The following ARHGAP19 variants were observed in gnomAD, a reference collection of about 807,000 sequenced individuals.
The protein encoded by ARHGAP19 is Rho GTPase activating protein 19, also known as rho GTPase-activating protein 19.
Under a neutral mutation model 60.9 loss-of-function variants are expected in ARHGAP19, and 48 were observed. The observed-to-expected ratio is 0.79, with a 90% CI of 0.62 to 1.00. The LOEUF is 1.00. Ranked by LOEUF, ARHGAP19 falls within the 50% of genes least tolerant of loss-of-function variation. The probability of loss-of-function intolerance (pLI) is 0.00; values close to 1 mark genes in which losing one functional copy is unlikely to be tolerated. For missense variants in ARHGAP19, 562 were observed against 597.2 expected (o/e 0.94, Z 0.61); for synonymous variants, 209 against 215.5 (o/e 0.97, Z 0.27).
Position 97,226,091 on chromosome 10 carries a change from G to C in ARHGAP19, c.*31C>G, listed in dbSNP as rs886281818. On this transcript the variant is annotated 3_prime_UTR_variant, in exon 12 of 12. Coordinates refer to ENST00000358531, the MANE Select transcript of ARHGAP19 (RefSeq NM_032900.6). ...ACCTGCCCACTAAACAGAAAATTCT[G>C]CATGGACCATAGGAGACAACTCTGG... 4 of 1,612,314 alleles carry C rather than the reference G, an allele frequency of 2.5e-6. No individual in the cohort carries two copies. The highest frequency in any genetic ancestry group is 3.4e-6 in the Non-Finnish European group (4 of 1,178,814).
Position 97,256,376 on chromosome 10 carries a change from A to T in ARHGAP19, c.869T>A (p.Ile290Asn). ...NVTANDLQENITKLNSGMAFM... is the reference protein window; with the variant it reads ...NVTANDLQENNTKLNSGMAFM... ...AGCCATCCCACTGTTTAACTTTGTGATATTCTCCTGAAGGTCATTTGCAGT... is the reference window on the plus strand; with the variant it reads ...AGCCATCCCACTGTTTAACTTTGTGTTATTCTCCTGAAGGTCATTTGCAGT... Residue 290 changes from isoleucine to asparagine, a missense_variant, in exon 6 of 12, where the codon ATC becomes AAC. Coordinates refer to ENST00000358531, the MANE Select transcript of ARHGAP19 (RefSeq NM_032900.6). 1 of 1,614,074 alleles carries T rather than the reference A, an allele frequency of 6.2e-7. No individual in the cohort carries two copies. The highest frequency in any genetic ancestry group is 1.1e-5 in the South Asian group (1 of 91,076).
At chr10:97,242,324 CTTTTT>C (rs1164708198) in intron 8 of ARHGAP19, among the ~76,000 whole-genome samples, 1 of 55,794 alleles carries the variant, frequency 1.8e-5, no homozygotes, top group Non-Finnish European at 3.5e-5. Flanking sequence ...TATCAGTGTT[CTTTTT>C]TTTTTTTTTT....
chr10:97,225,882 G>T lies in ARHGAP19; in HGVS notation c.*240C>A. 1 of 532,940 alleles carries T rather than the reference G, an allele frequency of 1.9e-6. No homozygotes were observed. The highest frequency in any genetic ancestry group is 2.6e-5 in the South Asian group (1 of 37,800). The allele number at this position is 532,940 out of a possible 1,614,324, so 33.0% of individuals were successfully genotyped here. A position where few individuals can be genotyped will look rare whatever the true frequency, so the allele number is the denominator to read the frequency against. ...GTATAAGCTGGTTGGATAGTTAGTG[G>T]TTTCCCCATAATATTAAAAAAGAGA... On this transcript the variant is annotated 3_prime_UTR_variant, in exon 12 of 12. Transcript: ENST00000358531.
At chr10:97,239,752 G>A (rs563965171) in intron 8 of ARHGAP19, among the ~76,000 whole-genome samples, 25 of 151,826 alleles carry the variant, frequency 1.6e-4, no homozygotes, top group African/African-American at 5.3e-4. Context: ...TTGTTGCCCA[G>A]GCTGGAGTGC....
chr10:97,240,062 T>A (rs758446351), intron 8 of ARHGAP19, among the ~76,000 whole-genome samples: 9 of 151,396 alleles, frequency 5.9e-5, no homozygotes, highest in Non-Finnish European at 8.8e-5. Context: ...GGGAATTGGG[T>A]AAAGGGTACT....
Position 97,238,284 on chromosome 10 carries a change from G to A in ARHGAP19, c.1186-2969C>T, listed in dbSNP as rs367703873. On this transcript the variant is annotated intron_variant, in intron 8 of 11. Transcript: ENST00000358531. ...GCAGTGGTGCGGATCATAGCTCACC[G>A]CAGCCCCAAACTCCTGGGCTCAAGC... Among the ~76,000 whole-genome samples, 24 of 152,208 alleles carry A rather than the reference G, an allele frequency of 1.6e-4. No homozygotes were observed. The South Asian group carries it at 3.7e-3, about 24-fold the overall frequency.
chr10:97,292,527 G>C (rs1843251259), intron 1 of ARHGAP19, 45 bp downstream of exon 1: 1 of 1,611,798 alleles, frequency 6.2e-7, no homozygotes, highest in African/African-American at 1.3e-5. Flanking sequence ...AGGACTACCA[G>C]CCCAAGGCCG....
At chr10:97,248,816 T>TTTTG (rs112710177) in intron 6 of ARHGAP19, among the ~76,000 whole-genome samples, 6,761 of 152,066 alleles carry the variant, frequency 0.044, 212 homozygotes, top group Non-Finnish European at 0.061. Context: ...TAAATATCAA[T>TTTTG]TTTGTTTGTT....
intron 5 of ARHGAP19, among the ~76,000 whole-genome samples, chr10:97,257,859 T>A (rs1842776907): frequency 6.6e-6 from 1 of 152,178 alleles, no homozygotes; most frequent in Admixed American, 6.6e-5. Flanking sequence ...AAATTTTTTA[T>A]AAATTACTAT....
intron 1 of ARHGAP19, chr10:97,270,630 G>A (rs1287872141): frequency 2.6e-6 from 4 of 1,548,760 alleles, no homozygotes; most frequent in Non-Finnish European, 3.5e-6. Context: ...TTTCTGATGA[G>A]GCATTGGTAA....
intron 1 of ARHGAP19, among the ~76,000 whole-genome samples, chr10:97,278,715 GA>G (rs1843048683): frequency 6.6e-6 from 1 of 151,914 alleles, no homozygotes; most frequent in African/African-American, 2.4e-5. Flanking sequence ...GAAAGGACTG[GA>G]AACAATCCAC....
intron 8 of ARHGAP19, among the ~76,000 whole-genome samples, chr10:97,242,637 C>T (rs542663219): frequency 8.4e-4 from 128 of 152,040 alleles, no homozygotes; most frequent in Middle Eastern, 6.8e-3. Context: ...CTCAGCCTCC[C>T]GAGTAGCTGG....
chr10:97,230,262 T>C (rs1431184900), intron 9 of ARHGAP19, among the ~76,000 whole-genome samples: 3 of 152,178 alleles, frequency 2.0e-5, no homozygotes, highest in Admixed American at 2.0e-4. Flanking sequence ...GGCAACTATT[T>C]AAAAAGTCCC....
At chr10:97,256,545 T>C (rs1842754903) in intron 5 of ARHGAP19, 141 bp from the exon 6 acceptor site, 1 of 614,366 alleles carries the variant, frequency 1.6e-6, no homozygotes, top group Non-Finnish European at 2.9e-6. Flanking sequence ...CTGGGAAGAC[T>C]TTTTGGTTCA....
At chr10:97,248,401 G>A (rs947673491) in intron 6 of ARHGAP19, among the ~76,000 whole-genome samples, 1 of 150,128 alleles carries the variant, frequency 6.7e-6, no homozygotes, top group Admixed American at 6.6e-5. Context: ...GTGACAGAGT[G>A]AAAATCTCCA....
intron 1 of ARHGAP19, among the ~76,000 whole-genome samples, chr10:97,288,296 C>G (rs1313694309): frequency 6.6e-6 from 1 of 151,800 alleles, no homozygotes; most frequent in Non-Finnish European, 1.5e-5. Flanking sequence ...AGATTAATCC[C>G]TGCAGCCGGG....
rs570351573 is a variant in ARHGAP19 at position 97,239,266 on chromosome 10, G to T, written c.1186-3951C>A. ...TCCCAACACTTTGGGAGGCCGAGGT[G>T]GGGGGATCACAAGGTCAGGAGAACG... On this transcript the variant is annotated intron_variant, in intron 8 of 11. Coordinates refer to ENST00000358531, the MANE Select transcript of ARHGAP19 (RefSeq NM_032900.6). Among the ~76,000 whole-genome samples the T allele has an allele frequency of 1.8e-3, 270 of 152,254 alleles. 4 individuals carry two copies. The highest frequency in any genetic ancestry group is 7.7e-4 in the East Asian group (4 of 5,176).
chr10:97,291,298 G>C (rs1280336729), intron 1 of ARHGAP19, among the ~76,000 whole-genome samples: 1 of 152,016 alleles, frequency 6.6e-6, no homozygotes, highest in Non-Finnish European at 1.5e-5. Context: ...AAAAAGAGTG[G>C]AAAACTCTTC....
At chr10:97,227,576 T>C (rs1316601484) in intron 11 of ARHGAP19, among the ~76,000 whole-genome samples, 3 of 152,150 alleles carry the variant, frequency 2.0e-5, no homozygotes, top group African/African-American at 4.8e-5. Context: ...TGTAGCATCA[T>C]AACACCAGGA....
Sources: allele counts gnomAD v4.1 joint callset (sites outside exome capture counted in the v4.1 genomes callset), GRCh38; gene constraint gnomAD v4.1.1; transcripts MANE v1.5; gene names NCBI Gene and HGNC (gene_info 2026-07-23, HGNC 2026-07-21).